The following TNIK variants were observed in gnomAD, a reference collection of about 807,000 sequenced individuals.
TNIK encodes the protein TRAF2 and NCK interacting kinase.
A neutral mutation model predicts 191.3 loss-of-function variants in TNIK; 49 were observed. The observed-to-expected ratio is 0.26, with a 90% CI of 0.20 to 0.32. The LOEUF (loss-of-function observed/expected upper bound fraction) is 0.32, where lower values mean the gene tolerates loss of function less well. Ranked by LOEUF, TNIK falls within the 10% of genes least tolerant of loss-of-function variation. The probability of loss-of-function intolerance (pLI) is 1.00; values close to 1 mark genes in which losing one functional copy is unlikely to be tolerated. For synonymous variants in TNIK, 594 were observed against 600.9 expected (o/e 0.99, Z 0.17); for missense variants, 1,155 against 1,702.3 (o/e 0.68, Z 5.66).
chr3:171,079,062 G>A (rs966410660), intron 28 of TNIK, among the ~76,000 whole-genome samples: 4 of 152,114 alleles, frequency 2.6e-5, no homozygotes, highest in Non-Finnish European at 5.9e-5. Context: ...AGATTCCCCT[G>A]GGGCCTTAGT....
intron 2 of TNIK, among the ~76,000 whole-genome samples, chr3:171,286,432 A>G (rs570517258): frequency 3.9e-5 from 6 of 152,234 alleles, no homozygotes; most frequent in African/African-American, 1.4e-4. Context: ...AAGAGTATAT[A>G]TTGTACAGCC....
chr3:171,224,634 C>T (rs1742759760), intron 3 of TNIK, among the ~76,000 whole-genome samples: 1 of 152,098 alleles, frequency 6.6e-6, no homozygotes, highest in Non-Finnish European at 1.5e-5. Flanking sequence ...CTGCAGCAGG[C>T]CCAGGAATTT....
At chr3:171,262,030 T>G (rs923017035) in intron 2 of TNIK, among the ~76,000 whole-genome samples, 1 of 151,964 alleles carries the variant, frequency 6.6e-6, no homozygotes, top group Non-Finnish European at 1.5e-5. Flanking sequence ...AGCAGCGGGG[T>G]CAGTGGTTAG....
At chr3:171,145,099 T>G (rs1731367540) in intron 12 of TNIK, among the ~76,000 whole-genome samples, 1 of 151,668 alleles carries the variant, frequency 6.6e-6, no homozygotes, top group Non-Finnish European at 1.5e-5. Flanking sequence ...TTTTTTTTTT[T>G]TTTTTGAGAT....
rs778807382 is a variant in TNIK, at chr3:171,060,054, A to G, written c.*3827T>C. 6.6e-6 allele frequency among the ~76,000 whole-genome samples: 1 copy of G among 152,210 alleles called. No individual in the cohort carries two copies. Among genetic ancestry groups the G allele is most frequent in the African/African-American group, 2.4e-5 (1 of 41,452 alleles). On this transcript the variant is annotated 3_prime_UTR_variant, in exon 33 of 33. Coordinates refer to ENST00000436636, the MANE Select transcript of TNIK (RefSeq NM_015028.4). ...TTAAAAATAATGTAGCACATCTTAC[A>G]TCTTAAAGCAATCAGCACAAATGCA... is the stretch of plus-strand genomic sequence containing the variant.
intron 3 of TNIK, among the ~76,000 whole-genome samples, chr3:171,219,218 TTATA>T (rs1362063573): frequency 7.4e-6 from 1 of 136,044 alleles, no homozygotes; most frequent in African/African-American, 3.0e-5. Flanking sequence ...CATTACTAAA[TTATA>T]TATATTATTA....
intron 7 of TNIK, among the ~76,000 whole-genome samples, chr3:171,180,992 TAGAA>T (rs1346095476): frequency 3.3e-5 from 5 of 152,112 alleles, no homozygotes; most frequent in Non-Finnish European, 2.9e-5. Flanking sequence ...CATGGATTGG[TAGAA>T]AGAAAGAAAC....
At chr3:171,364,847 A>G (rs925915863) in intron 2 of TNIK, among the ~76,000 whole-genome samples, 2 of 152,110 alleles carry the variant, frequency 1.3e-5, no homozygotes, top group Non-Finnish European at 2.9e-5. Context: ...GGGCTGGGGG[A>G]AAGTGTTCTA....
chr3:171,420,475 G>A (rs980332109), intron 1 of TNIK, among the ~76,000 whole-genome samples: 4 of 152,120 alleles, frequency 2.6e-5, no homozygotes, highest in Non-Finnish European at 4.4e-5. Flanking sequence ...AAATGCTGAG[G>A]ACATGAGAGT....
chr3:171,296,222 A>G (rs990699634), intron 2 of TNIK, among the ~76,000 whole-genome samples: 25 of 152,268 alleles, frequency 1.6e-4, no homozygotes, highest in African/African-American at 6.0e-4. Context: ...AACTGTTGGC[A>G]GAAGTGCCTG....
At chr3:171,158,286 C>A (rs1241922743) in intron 11 of TNIK, among the ~76,000 whole-genome samples, 1 of 152,224 alleles carries the variant, frequency 6.6e-6, no homozygotes, top group African/African-American at 2.4e-5. Flanking sequence ...TTGGCTCTGG[C>A]CACAGCAGGT....
chr3:171,169,511 G>A (rs1057206480), intron 9 of TNIK, among the ~76,000 whole-genome samples: 5 of 152,054 alleles, frequency 3.3e-5, no homozygotes, highest in Non-Finnish European at 5.9e-5. Context: ...CAGATGATTC[G>A]CCTACCTCAG....
chr3:171,186,613 A>C (rs527294566), intron 7 of TNIK, among the ~76,000 whole-genome samples: 1 of 152,288 alleles, frequency 6.6e-6, no homozygotes, highest in East Asian at 1.9e-4. Context: ...CAATCCTGTT[A>C]AACTAATTTG....
chr3:171,279,376 G>A (rs1017810961), intron 2 of TNIK, among the ~76,000 whole-genome samples: 22 of 152,024 alleles, frequency 1.4e-4, no homozygotes, highest in African/African-American at 5.3e-4. Context: ...CATCCTTGTA[G>A]ACAGTTTAGG....
At chr3:171,246,627 A>T (rs934402451) in intron 2 of TNIK, among the ~76,000 whole-genome samples, 8 of 152,240 alleles carry the variant, frequency 5.3e-5, no homozygotes, top group African/African-American at 1.9e-4. Flanking sequence ...CAAACAAAAA[A>T]AATATTTCTA....
At chr3:171,212,216 C>G (rs1035238025) in intron 3 of TNIK, among the ~76,000 whole-genome samples, 1 of 152,066 alleles carries the variant, frequency 6.6e-6, no homozygotes, top group Non-Finnish European at 1.5e-5. Flanking sequence ...CTTCCAGTGT[C>G]TCTGCATTAC....
Position 171,424,680 on chromosome 3 carries a change from G to A in TNIK, c.57+35327C>T, listed in dbSNP as rs201433214. 2.0e-5 allele frequency among the ~76,000 whole-genome samples: 3 copies of A among 152,146 alleles called. No individual in the cohort carries two copies. The East Asian group carries it at 5.8e-4, about 29-fold the overall frequency. ...AAAAAATGATGAGTTCATGTCCTTT[G>A]TAGGAACATGGATGAAGCTGGAAAC... On this transcript the variant is annotated intron_variant, in intron 1 of 32. Coordinates refer to ENST00000436636, the MANE Select transcript of TNIK (RefSeq NM_015028.4).
chr3:171,360,117 T>A (rs1318156724), intron 2 of TNIK, among the ~76,000 whole-genome samples: 2 of 152,212 alleles, frequency 1.3e-5, no homozygotes, highest in Non-Finnish European at 2.9e-5. Context: ...CCAATCCATG[T>A]CCATCCCTAA....
Position 171,126,032 on chromosome 3 carries a change from G to A in TNIK, c.1893C>T (p.His631=). 1.9e-6 allele frequency: 3 copies of A among 1,613,980 alleles called. No individual in the cohort carries two copies. Among genetic ancestry groups the A allele is most frequent in the Non-Finnish European group, 1.7e-6 (2 of 1,179,880 alleles). Residue 631 remains histidine (H), a synonymous_variant, in exon 17 of 33, where the codon CAC becomes CAT. Coordinates refer to ENST00000436636, the MANE Select transcript of TNIK (RefSeq NM_015028.4). ...AGTTCTGGCGTGGCATCTCCACGCGGTGGGAGGTCACGTTCAGAGCCTCCT... is the reference window on the plus strand; with the variant it reads ...AGTTCTGGCGTGGCATCTCCACGCGATGGGAGGTCACGTTCAGAGCCTCCT... ...GFQEALNVTS[H]RVEMPRQNSD... is the part of the protein sequence containing the mutation.
Sources: allele counts gnomAD v4.1 joint callset (sites outside exome capture counted in the v4.1 genomes callset), GRCh38; gene constraint gnomAD v4.1.1; transcripts MANE v1.5; gene names NCBI Gene and HGNC (gene_info 2026-07-23, HGNC 2026-07-21).